The following ANO10 variants were observed in gnomAD, a reference collection of about 807,000 sequenced individuals.
ANO10 encodes the protein anoctamin-10.
Under a neutral mutation model 74.7 loss-of-function variants are expected in ANO10, and 77 were observed. The ratio of observed to expected loss-of-function variants is 1.03; its 90% CI spans 0.86 to 1.25. The LOEUF is 1.25. Among genes scored for constraint, ANO10 ranks in the 50% most tolerant of loss-of-function variants. The pLI, the probability that ANO10 is intolerant of heterozygous loss-of-function variation, is 0.00. For missense variants in ANO10, 721 were observed against 778.1 expected (o/e 0.93, Z 0.87); for synonymous variants, 279 against 284.9 (o/e 0.98, Z 0.21).
At chr3:43,560,217 G>T (rs1457689673) in intron 9 of ANO10, among the ~76,000 whole-genome samples, 1 of 152,160 alleles carries the variant, frequency 6.6e-6, no homozygotes, top group Non-Finnish European at 1.5e-5. Flanking sequence ...CTGGCTCTGT[G>T]ACCAGATCTA....
chr3:43,394,982 A>G (rs1219068265), intron 12 of ANO10, among the ~76,000 whole-genome samples: 3 of 152,108 alleles, frequency 2.0e-5, no homozygotes, highest in African/African-American at 7.2e-5. Context: ...ATTTTAGGAA[A>G]CTATGATTTT....
At position 43,366,858 on chromosome 3, in the gene ANO10, G is replaced by A. The variant is rs371303743; in HGVS notation, c.*48C>T. The stretch of plus-strand genomic sequence containing the variant: ...CCCCCCTGCCACCGTGGCAGGTGTG[G>A]CACAGACACAGGCCTCTGCCAACAG... On this transcript the variant is annotated 3_prime_UTR_variant, in exon 13 of 13. Coordinates refer to ENST00000292246, the MANE Select transcript of ANO10 (RefSeq NM_018075.5). The A allele has an allele frequency of 2.3e-4, 350 of 1,535,706 alleles. No homozygotes were observed. The African/African-American group carries it at 4.3e-3, about 19-fold the overall frequency.
At chr3:43,487,645 G>T (rs1206400704) in intron 11 of ANO10, among the ~76,000 whole-genome samples, 2 of 152,082 alleles carry the variant, frequency 1.3e-5, no homozygotes, top group Non-Finnish European at 2.9e-5. Flanking sequence ...GGGATCGGTG[G>T]TGATATCCCC....
intron 1 of ANO10, among the ~76,000 whole-genome samples, chr3:43,687,178 T>C (rs1284862906): frequency 6.6e-6 from 1 of 152,194 alleles, no homozygotes; most frequent in East Asian, 1.9e-4. Context: ...AGGCTGGGCA[T>C]GGTGGCTTAC....
Position 43,369,405 on chromosome 3 carries a change from G to A in ANO10, c.1915-2431C>T, listed in dbSNP as rs1297189923. Among the ~76,000 whole-genome samples, 3 of 152,264 alleles carry A rather than the reference G, an allele frequency of 2.0e-5. No individual in the cohort carries two copies. The East Asian group carries it at 5.8e-4, about 29-fold the overall frequency. On this transcript the variant is annotated intron_variant, in intron 12 of 12. Transcript: ENST00000292246. ...AGAAAGAATGGCCAGGGACCCTACAGTCCTCCCTTGCCTCAGGCCAGGCAG... is the reference window on the plus strand; with the variant it reads ...AGAAAGAATGGCCAGGGACCCTACAATCCTCCCTTGCCTCAGGCCAGGCAG...
At chr3:43,404,530 C>G (rs2092540335) in intron 12 of ANO10, among the ~76,000 whole-genome samples, 1 of 152,102 alleles carries the variant, frequency 6.6e-6, no homozygotes, top group Admixed American at 6.6e-5. Flanking sequence ...TGCGAAATAA[C>G]AAATGTGGAC....
chr3:43,598,462 G>A (rs192383565), intron 4 of ANO10, 70 bp downstream of exon 4: 1 of 1,476,574 alleles, frequency 6.8e-7, no homozygotes, highest in African/African-American at 1.4e-5. Context: ...TTCTGTAAGA[G>A]GGAAAAAAGG....
intron 11 of ANO10, among the ~76,000 whole-genome samples, chr3:43,446,626 CTTT>C (rs1191928283): frequency 6.6e-6 from 1 of 152,128 alleles, no homozygotes; most frequent in Non-Finnish European, 1.5e-5. Flanking sequence ...TGAACTACTT[CTTT>C]GAGAAAGTCA....
intron 12 of ANO10, among the ~76,000 whole-genome samples, chr3:43,407,298 T>A (rs191986040): frequency 6.6e-6 from 1 of 152,342 alleles, no homozygotes; most frequent in Admixed American, 6.5e-5. Context: ...CAAGCTTGCA[T>A]GGCTTTTCTG....
intron 12 of ANO10, among the ~76,000 whole-genome samples, chr3:43,412,355 A>G (rs1033465472): frequency 2.6e-5 from 4 of 152,128 alleles, no homozygotes; most frequent in Admixed American, 2.0e-4. Context: ...AGTCGGTTTT[A>G]GGAGAATGAG....
intron 12 of ANO10, among the ~76,000 whole-genome samples, chr3:43,406,986 C>T (rs1156860322): frequency 6.6e-6 from 1 of 151,966 alleles, no homozygotes; most frequent in African/African-American, 2.4e-5. Context: ...TCACTGCAAC[C>T]TCTGCCTCCC....
At chr3:43,577,348 T>A in intron 5 of ANO10, 87 bp from the exon 6 acceptor site, 1 of 1,309,712 alleles carries the variant, frequency 7.6e-7, no homozygotes, top group Non-Finnish European at 1.1e-6. Flanking sequence ...ATTTTTTAGT[T>A]AAGTGGGGAT....
chr3:43,460,910 T>C (rs992851532), intron 11 of ANO10, among the ~76,000 whole-genome samples: 2 of 151,266 alleles, frequency 1.3e-5, no homozygotes, highest in African/African-American at 2.4e-5. Context: ...AATTACCATA[T>C]GATTGTCAAA....
intron 12 of ANO10, among the ~76,000 whole-genome samples, chr3:43,388,853 A>G (rs2092199983): frequency 6.6e-6 from 1 of 152,260 alleles, no homozygotes; most frequent in Non-Finnish European, 1.5e-5. Context: ...TCACTATGGA[A>G]AGAAGCTAGT....
chr3:43,525,423 A>G (rs1043384974), intron 11 of ANO10, among the ~76,000 whole-genome samples: 34 of 152,138 alleles, frequency 2.2e-4, no homozygotes, highest in Admixed American at 1.2e-3. Context: ...ATCTATCTGC[A>G]TGACTATCTG....
At chr3:43,396,748 T>C (rs996541132) in intron 12 of ANO10, among the ~76,000 whole-genome samples, 4 of 152,046 alleles carry the variant, frequency 2.6e-5, no homozygotes, top group African/African-American at 4.8e-5. Flanking sequence ...GTAGCTCACA[T>C]AGCTCAGGAG....
chr3:43,609,910 T>A (rs978721158), intron 1 of ANO10, among the ~76,000 whole-genome samples: 2 of 152,106 alleles, frequency 1.3e-5, no homozygotes, highest in African/African-American at 4.8e-5. Context: ...AGTGAGTGAG[T>A]GGTTAGTGAA....
In ANO10 at chr3:43,506,554, G is replaced by C. The variant is rs561194875; in HGVS notation, c.1797+43166C>G. On this transcript the variant is annotated intron_variant, in intron 11 of 12. Transcript: ENST00000292246. ...CATGCCACCCAGAGTTAAGCCAAAT[G>C]ACCTAAAAATCCCTGTGTGATCCTC... is the stretch of plus-strand genomic sequence containing the variant. 5.1e-4 allele frequency among the ~76,000 whole-genome samples: 77 copies of C among 152,246 alleles called. 2 individuals are homozygous for C. The South Asian group carries it at 0.014, about 28-fold the overall frequency.
intron 1 of ANO10, among the ~76,000 whole-genome samples, chr3:43,653,534 T>C (rs1341684021): frequency 6.6e-6 from 1 of 152,244 alleles, no homozygotes; most frequent in Non-Finnish European, 1.5e-5. Context: ...CTTAAAAATA[T>C]GTAAATACTT....
Sources: allele counts gnomAD v4.1 joint callset (sites outside exome capture counted in the v4.1 genomes callset), GRCh38; gene constraint gnomAD v4.1.1; transcripts MANE v1.5; gene names NCBI Gene and HGNC (gene_info 2026-07-23, HGNC 2026-07-21).